GLIS3: variants seen among roughly 807,000 people sequenced by gnomAD.
The protein encoded by GLIS3 is GLIS family zinc finger 3.
Under a neutral mutation model 78.6 loss-of-function variants are expected in GLIS3, and 53 were observed. The observed-to-expected ratio is 0.67, with a 90% CI of 0.54 to 0.85. The LOEUF (loss-of-function observed/expected upper bound fraction) is 0.85, where lower values mean the gene tolerates loss of function less well. Ranked by LOEUF, GLIS3 falls within the 40% of genes least tolerant of loss-of-function variation. The pLI is 0.00. For missense variants in GLIS3, 1,703 were observed against 1,231.1 expected, an observed-to-expected ratio of 1.38 and a Z score of -5.74; for synonymous variants, 684 against 509.9, an observed-to-expected ratio of 1.34 and a Z score of -4.60.
At chr9:4,047,751 C>A (rs1054151889) in intron 4 of GLIS3, among the ~76,000 whole-genome samples, 28 of 152,078 alleles carry the variant, frequency 1.8e-4, no homozygotes. Context: ...AAAAGGGAAC[C>A]CTAGTTGATT....
At chr9:4,402,912 T>C in the GLIS3 span, among the ~76,000 whole-genome samples, 4 of 152,052 alleles carry the variant, frequency 2.6e-5, no homozygotes, top group East Asian at 5.8e-4. Context: ...AAAGGGATAA[T>C]AACAGAGAAC....
At chr9:3,836,043 G>C (rs1818332168) in intron 9 of GLIS3, among the ~76,000 whole-genome samples, 1 of 152,172 alleles carries the variant, frequency 6.6e-6, no homozygotes, top group South Asian at 2.1e-4. Context: ...ATTCAAGATA[G>C]GAAGAATGAA....
At chr9:4,181,691 T>G (rs1817338413) in intron 2 of GLIS3, among the ~76,000 whole-genome samples, 1 of 152,234 alleles carries the variant, frequency 6.6e-6, no homozygotes, top group African/African-American at 2.4e-5. Flanking sequence ...TACTTCACTG[T>G]GAGTCTTGCT....
intron 9 of GLIS3, chr9:3,855,386 G>T (rs1193669088): frequency 7.1e-6 from 1 of 141,740 alleles, no homozygotes; most frequent in Admixed American, 6.6e-5. Flanking sequence ...TTCCCTAAAA[G>T]ATATAATTTT....
the GLIS3 span, among the ~76,000 whole-genome samples, chr9:4,402,664 G>A: frequency 2.0e-5 from 3 of 152,186 alleles, no homozygotes; most frequent in East Asian, 3.9e-4. Context: ...TTCTAGAGTT[G>A]GAAAATGCAA....
At chr9:3,922,440 G>A (rs1398341152) in intron 6 of GLIS3, among the ~76,000 whole-genome samples, 1 of 152,168 alleles carries the variant, frequency 6.6e-6, no homozygotes, top group Non-Finnish European at 1.5e-5. Flanking sequence ...TTCAATGAAA[G>A]TTTGCATATG....
chr9:4,453,706 G>C, the GLIS3 span, among the ~76,000 whole-genome samples: 1 of 152,186 alleles, frequency 6.6e-6, no homozygotes, highest in African/African-American at 2.4e-5. Context: ...CAGGGACATG[G>C]ATGAAGCTGG....
At chr9:3,937,298 A>C (rs1186111363) in intron 4 of GLIS3, 109 bp from the exon 5 acceptor site, 2 of 1,030,296 alleles carry the variant, frequency 1.9e-6, no homozygotes, top group African/African-American at 1.6e-5. Flanking sequence ...GAAAATGATA[A>C]AATAAAATCA....
At chr9:4,424,410 G>A in the GLIS3 span, among the ~76,000 whole-genome samples, 29 of 152,164 alleles carry the variant, frequency 1.9e-4, no homozygotes, top group Admixed American at 1.9e-3. Flanking sequence ...GAATAGGCCT[G>A]TAAGTACCAG....
At chr9:4,366,354 G>A in the GLIS3 span, among the ~76,000 whole-genome samples, 1 of 152,014 alleles carries the variant, frequency 6.6e-6, no homozygotes, top group East Asian at 1.9e-4. Context: ...ACTTTCAAGC[G>A]AATCCAAGGC....
intron 4 of GLIS3, among the ~76,000 whole-genome samples, chr9:4,031,836 T>C (rs1418535141): frequency 7.9e-5 from 12 of 152,240 alleles, no homozygotes; most frequent in Non-Finnish European, 2.9e-5. Context: ...TCTTTGGCGA[T>C]ACAATAAAGG....
chr9:3,856,047 G>C lies in GLIS3; in HGVS notation c.2435C>G (p.Thr812Arg), dbSNP rs753512407. Residue 812 changes from threonine to arginine, a missense_variant, in exon 9 of 11, where the codon ACA becomes AGA. By Grantham distance (71) the Thr-to-Arg change is moderately conservative. Transcript: ENST00000381971. ...GSHLKSYQPE[T>R]NSSFQPNGIH... ...ACCATTTGGTTGAAAAGAAGAGTTTGTTTCTGGCTGATAGGACTTCAGGTG... is the reference window on the plus strand; with the variant it reads ...ACCATTTGGTTGAAAAGAAGAGTTTCTTTCTGGCTGATAGGACTTCAGGTG... 2 of 1,614,190 alleles carry C rather than the reference G, an allele frequency of 1.2e-6. No homozygotes were observed. Among genetic ancestry groups the C allele is most frequent in the Non-Finnish European group, 1.7e-6 (2 of 1,180,014 alleles).
At chr9:4,480,037 T>C in the GLIS3 span, among the ~76,000 whole-genome samples, 2 of 151,322 alleles carry the variant, frequency 1.3e-5, no homozygotes, top group African/African-American at 2.4e-5. Context: ...GCTGGGATTG[T>C]AGGCGTGAGC....
chr9:4,208,797 AATGGGTGG>A (rs1820107482), intron 2 of GLIS3, among the ~76,000 whole-genome samples: 1 of 152,204 alleles, frequency 6.6e-6, no homozygotes, highest in African/African-American at 2.4e-5. Flanking sequence ...GATGGAACTC[AATGGGTGG>A]CTGGCTCTTG....
intron 2 of GLIS3, among the ~76,000 whole-genome samples, chr9:4,343,997 T>C (rs1817870791): frequency 6.6e-6 from 1 of 152,088 alleles, no homozygotes; most frequent in Non-Finnish European, 1.5e-5. Context: ...CAAAATAAAC[T>C]GTACACAAAA....
intron 1 of GLIS3, chr9:4,298,240 C>G (rs1007126549): frequency 6.5e-6 from 2 of 305,856 alleles, no homozygotes; most frequent in South Asian, 2.5e-5. Flanking sequence ...GCAGTCCCCC[C>G]ACGCCGGCCC....
chr9:4,424,657 G>A, the GLIS3 span, among the ~76,000 whole-genome samples: 9 of 152,112 alleles, frequency 5.9e-5, no homozygotes, highest in Non-Finnish European at 1.2e-4. Flanking sequence ...TCAAACTCCT[G>A]GGTTCAAGGG....
chr9:3,925,605 G>A lies in GLIS3; in HGVS notation c.1983+6755C>T, dbSNP rs183461510. ...ATGGTCAGTGTGTGTGCGTGTGCGC[G>A]CGTGTGTGTGTGTGTGCGCGCGATC... On this transcript the variant is annotated intron_variant, in intron 6 of 10. Coordinates refer to ENST00000381971, the MANE Select transcript of GLIS3 (RefSeq NM_001042413.2). Among the ~76,000 whole-genome samples, 1,266 of 146,492 alleles carry A rather than the reference G, an allele frequency of 8.6e-3. 16 individuals are homozygous for A. Among genetic ancestry groups the A allele is most frequent in the African/African-American group, 0.029 (1,204 of 41,080 alleles).
At chr9:3,914,441 A>G (rs62521451) in intron 6 of GLIS3, among the ~76,000 whole-genome samples, 6,960 of 151,314 alleles carry the variant, frequency 0.046, 239 homozygotes, top group Non-Finnish European at 0.07. Context: ...TGCTGGGATT[A>G]TAGGCATGAG....
Sources: gnomAD v4.1 joint callset for allele counts (sites outside exome capture counted in the v4.1 genomes callset) on GRCh38, gnomAD v4.1.1 for gene constraint, MANE v1.5 for transcripts, NCBI Gene and HGNC (gene_info 2026-07-23, HGNC 2026-07-21) for gene names.